The following TMTC2 variants were observed in gnomAD, a reference collection of about 807,000 sequenced individuals.
The protein encoded by TMTC2 is transmembrane O-mannosyltransferase targeting cadherins 2, also known as protein O-mannosyl-transferase TMTC2.
TMTC2 carries 43 observed loss-of-function variants against 82.4 expected under a neutral mutation model. That is an observed-to-expected ratio of 0.52 (90% confidence interval 0.41 to 0.67). The LOEUF (loss-of-function observed/expected upper bound fraction) is 0.67, where lower values mean the gene tolerates loss of function less well. TMTC2 is among the 30% of genes least tolerant of loss of function. The probability of loss-of-function intolerance (pLI) is 0.00; values close to 1 mark genes in which losing one functional copy is unlikely to be tolerated. For synonymous variants in TMTC2, 408 were observed against 381.9 expected (o/e 1.07, Z -0.80); for missense variants, 919 against 1,012.4 (o/e 0.91, Z 1.25).
intron 11 of TMTC2, among the ~76,000 whole-genome samples, chr12:83,063,074 C>T (rs1349735123): frequency 6.6e-6 from 1 of 151,684 alleles, no homozygotes; most frequent in Non-Finnish European, 1.5e-5. Flanking sequence ...AATGATGACC[C>T]AGGAAAATAT....
intron 1 of TMTC2, among the ~76,000 whole-genome samples, chr12:82,770,218 A>C (rs1877211061): frequency 6.6e-6 from 1 of 152,130 alleles, no homozygotes; most frequent in African/African-American, 2.4e-5. Flanking sequence ...TTAGTATCCC[A>C]TTTAATATAA....
intron 11 of TMTC2, among the ~76,000 whole-genome samples, chr12:83,075,610 A>G (rs779880464): frequency 3.3e-5 from 5 of 152,180 alleles, no homozygotes; most frequent in African/African-American, 4.8e-5. Context: ...CCTCAAATAC[A>G]TATTCTACTT....
At position 82,896,322 on chromosome 12, in the gene TMTC2, C is replaced by T. The variant is rs1873681464; in HGVS notation, c.1159C>T (p.Leu387Phe). 6.2e-7 allele frequency: 1 copy of T among 1,614,058 alleles called. No homozygotes were observed. The highest frequency in any genetic ancestry group is 1.1e-5 in the South Asian group (1 of 91,082). The change falls in exon 3 of 12, where the codon CTT (leucine) becomes TTT (phenylalanine). Residue 387 changes from leucine to phenylalanine, a missense_variant. Leu to Phe is a conservative substitution (Grantham distance 22, BLOSUM62 0). Transcript: ENST00000321196. ...IKNDVSQRTQ[L>F]PSTENIVVLS... ...AAACGATGTATCACAGAGAACCCAG[C>T]TTCCTTCTACGGAGAACATTGTTGT...
intron 9 of TMTC2, among the ~76,000 whole-genome samples, chr12:83,043,801 C>A (rs1318829538): frequency 6.6e-6 from 1 of 152,118 alleles, no homozygotes; most frequent in Non-Finnish European, 1.5e-5. Flanking sequence ...GGTATATTAA[C>A]CTATGAAAGA....
At chr12:82,923,648 G>T (rs1875521521) in intron 3 of TMTC2, among the ~76,000 whole-genome samples, 1 of 151,820 alleles carries the variant, frequency 6.6e-6, no homozygotes, top group African/African-American at 2.4e-5. Flanking sequence ...GTTTATCTTT[G>T]TTTTTCATGA....
intron 3 of TMTC2, among the ~76,000 whole-genome samples, chr12:82,904,400 CTGAT>C (rs984591962): frequency 5.9e-5 from 9 of 152,178 alleles, no homozygotes; most frequent in African/African-American, 2.2e-4. Context: ...CAGTCATTAA[CTGAT>C]TGGATGCAAA....
chr12:83,070,237 T>C (rs1883062756), intron 11 of TMTC2, among the ~76,000 whole-genome samples: 1 of 152,152 alleles, frequency 6.6e-6, no homozygotes, highest in South Asian at 2.1e-4. Context: ...ATGGTGGTAT[T>C]TTGATGGGGA....
intron 1 of TMTC2, among the ~76,000 whole-genome samples, chr12:82,803,358 A>C (rs1311476237): frequency 6.6e-6 from 1 of 152,122 alleles, no homozygotes; most frequent in East Asian, 1.9e-4. Flanking sequence ...ATCAGGCGAT[A>C]ATCAGGTGAT....
rs1883449303 is a variant in TMTC2, at chr12:83,081,069, T to C, written c.2331+19238T>C. On this transcript the variant is annotated intron_variant, in intron 11 of 11. Transcript: ENST00000321196. ...GGGCTTATATCATGACCAAAAGTCT[T>C]AGCCTTTAATTGTTACATCATTTTT... Among the ~76,000 whole-genome samples the C allele has an allele frequency of 2.6e-5, 4 of 152,220 alleles. No homozygotes were observed. The South Asian group carries it at 6.2e-4, about 24-fold the overall frequency.
At chr12:82,819,996 G>A (rs1868993826) in intron 1 of TMTC2, among the ~76,000 whole-genome samples, 1 of 152,190 alleles carries the variant, frequency 6.6e-6, no homozygotes, top group African/African-American at 2.4e-5. Context: ...AAGTGGGGAA[G>A]CCAACAGTGT....
chr12:83,077,580 T>TA (rs148331612), intron 11 of TMTC2, among the ~76,000 whole-genome samples: 3,444 of 152,168 alleles, frequency 0.023, 131 homozygotes, highest in African/African-American at 0.076. Flanking sequence ...TCTTTTTTTT[T>TA]ATTTTATTTT....
chr12:83,039,309 T>G (rs1299819613), intron 9 of TMTC2, among the ~76,000 whole-genome samples: 2 of 152,084 alleles, frequency 1.3e-5, no homozygotes, highest in Non-Finnish European at 2.9e-5. Flanking sequence ...CCATAATTAT[T>G]GAATAGAACT....
chr12:82,765,697 CAAAACAAA>C (rs1040207017), intron 1 of TMTC2, among the ~76,000 whole-genome samples: 2 of 142,918 alleles, frequency 1.4e-5, no homozygotes, highest in Admixed American at 1.4e-4. Flanking sequence ...CAAAACAAAA[CAAAACAAA>C]CAAACAAACA....
chr12:82,972,366 TA>T (rs1379437576), intron 7 of TMTC2, among the ~76,000 whole-genome samples: 3 of 152,310 alleles, frequency 2.0e-5, no homozygotes, highest in Non-Finnish European at 4.4e-5. Flanking sequence ...CTTCATCTAA[TA>T]AACCTTTTAC....
At chr12:82,758,111 G>C (rs1404307278) in intron 1 of TMTC2, among the ~76,000 whole-genome samples, 2 of 152,060 alleles carry the variant, frequency 1.3e-5, no homozygotes, top group Non-Finnish European at 2.9e-5. Context: ...AAAAGAATAT[G>C]AATAACCTGA....
At chr12:82,745,921 GT>G (rs1183098210) in intron 1 of TMTC2, among the ~76,000 whole-genome samples, 1 of 152,172 alleles carries the variant, frequency 6.6e-6, no homozygotes, top group Non-Finnish European at 1.5e-5. Flanking sequence ...ATTAGGAACT[GT>G]GGCAGAACGA....
intron 8 of TMTC2, among the ~76,000 whole-genome samples, chr12:82,987,588 G>A (rs748755978): frequency 6.6e-6 from 1 of 152,140 alleles, no homozygotes; most frequent in Non-Finnish European, 1.5e-5. Flanking sequence ...AGCTAGAAAT[G>A]AAGTGGTAAC....
chr12:82,857,732 C>A, intron 2 of TMTC2, 152 bp downstream of exon 2: 1 of 670,278 alleles, frequency 1.5e-6, no homozygotes, highest in Non-Finnish European at 2.4e-6. Flanking sequence ...GTCCTTTTGA[C>A]CTTTGTACTA....
At chr12:82,740,690 T>C (rs1173108815) in intron 1 of TMTC2, among the ~76,000 whole-genome samples, 1 of 152,176 alleles carries the variant, frequency 6.6e-6, no homozygotes, top group Non-Finnish European at 1.5e-5. Context: ...CTTGGTTTTT[T>C]GGTTGTCTGT....
Sources: gnomAD v4.1 joint callset for allele counts (sites outside exome capture counted in the v4.1 genomes callset) on GRCh38, gnomAD v4.1.1 for gene constraint, MANE v1.5 for transcripts, NCBI Gene and HGNC (gene_info 2026-07-23, HGNC 2026-07-21) for gene names.